The following PTPRD variants were observed in gnomAD, a reference collection of about 807,000 sequenced individuals.
The protein encoded by PTPRD is protein tyrosine phosphatase receptor type D, also known as receptor-type tyrosine-protein phosphatase delta.
PTPRD carries 34 observed loss-of-function variants against 214.5 expected under a neutral mutation model. The observed-to-expected ratio is 0.16, with a 90% CI of 0.12 to 0.21. The LOEUF is 0.21. Ranked by LOEUF, PTPRD falls within the 10% of genes least tolerant of loss-of-function variation. The pLI is 1.00. For synonymous variants in PTPRD, 1,128 were observed against 845.7 expected (o/e 1.33, Z -5.79); for missense variants, 2,545 against 2,398.7 (o/e 1.06, Z -1.27).
intron 9 of PTPRD, among the ~76,000 whole-genome samples, chr9:9,353,290 A>AT (rs1330101402): frequency 6.6e-6 from 1 of 151,974 alleles, no homozygotes; most frequent in East Asian, 1.9e-4. Flanking sequence ...ATGTATAAAA[A>AT]TGTTGTATTT....
chr9:9,100,204 CT>C (rs1339065043), intron 10 of PTPRD, among the ~76,000 whole-genome samples: 1 of 152,116 alleles, frequency 6.6e-6, no homozygotes, highest in Non-Finnish European at 1.5e-5. Flanking sequence ...TAGTTGGCTT[CT>C]TACCATAATT....
At chr9:10,186,684 T>C (rs2099331676) in intron 3 of PTPRD, among the ~76,000 whole-genome samples, 1 of 152,058 alleles carries the variant, frequency 6.6e-6, no homozygotes, top group South Asian at 2.1e-4. Flanking sequence ...TACTAAAGTG[T>C]GAAACATTAA....
chr9:9,872,536 G>A (rs2065760776), intron 5 of PTPRD, among the ~76,000 whole-genome samples: 1 of 152,030 alleles, frequency 6.6e-6, no homozygotes, highest in South Asian at 2.1e-4. Context: ...AGGATATCGA[G>A]GCTATAGTGA....
At chr9:9,876,106 A>G (rs903864777) in intron 5 of PTPRD, among the ~76,000 whole-genome samples, 7 of 152,100 alleles carry the variant, frequency 4.6e-5, no homozygotes, top group Non-Finnish European at 7.4e-5. Flanking sequence ...TAGGCCAGTA[A>G]GAGATTGTGT....
intron 8 of PTPRD, among the ~76,000 whole-genome samples, chr9:9,400,319 C>G (rs1419766548): frequency 6.6e-6 from 1 of 151,840 alleles, no homozygotes; most frequent in African/African-American, 2.4e-5. Context: ...CTAAGATACT[C>G]TCCCCAGAGA....
At chr9:8,547,906 G>A (rs1468857990) in intron 14 of PTPRD, among the ~76,000 whole-genome samples, 1 of 151,984 alleles carries the variant, frequency 6.6e-6, no homozygotes, top group African/African-American at 2.4e-5. Flanking sequence ...AATATTTATT[G>A]AACACCTCTC....
chr9:9,081,734 C>T (rs1045183705), intron 10 of PTPRD, among the ~76,000 whole-genome samples: 10 of 151,706 alleles, frequency 6.6e-5, no homozygotes, highest in African/African-American at 1.9e-4. Flanking sequence ...GCAATGATTC[C>T]TTTACCATTA....
At chr9:10,119,331 C>A (rs1054197508) in intron 3 of PTPRD, among the ~76,000 whole-genome samples, 1 of 151,976 alleles carries the variant, frequency 6.6e-6, no homozygotes, top group Non-Finnish European at 1.5e-5. Flanking sequence ...AAGTTATTAT[C>A]TTAACCATCT....
chr9:8,870,244 A>G (rs1041511128), intron 11 of PTPRD, among the ~76,000 whole-genome samples: 13 of 152,112 alleles, frequency 8.5e-5, no homozygotes, highest in African/African-American at 1.4e-4. Context: ...CTCATATATA[A>G]CATGAAAAAA....
intron 5 of PTPRD, among the ~76,000 whole-genome samples, chr9:9,801,014 A>G (rs1294206957): frequency 1.3e-5 from 2 of 152,142 alleles, no homozygotes; most frequent in Non-Finnish European, 2.9e-5. Flanking sequence ...AATAAGAAAG[A>G]TATTATAAAT....
intron 43 of PTPRD, among the ~76,000 whole-genome samples, chr9:8,334,559 T>C (rs991460756): frequency 7.4e-6 from 1 of 135,204 alleles, no homozygotes. Flanking sequence ...GAGAAATTTA[T>C]AGCACTAAAT....
At chr9:8,558,023 T>C (rs1449416980) in intron 14 of PTPRD, among the ~76,000 whole-genome samples, 3 of 152,124 alleles carry the variant, frequency 2.0e-5, no homozygotes, top group African/African-American at 7.2e-5. Context: ...ATGTAACTAA[T>C]TAATCTATTA....
rs1194576044 is a variant in PTPRD at position 9,572,583 on chromosome 9, G to GTA, written c.-237+2147_-237+2148dup. On this transcript the variant is annotated intron_variant, in intron 8 of 45. Transcript: ENST00000381196. Reference sequence around the variant, plus strand: ...TATGTATATATATATATATATATGTGTATATATATGTATATGTGTATATAT... The same window carrying GTA: ...TATGTATATATATATATATATATGTGTATATATATATGTATATGTGTATATAT... Among the ~76,000 whole-genome samples the GTA allele has an allele frequency of 1.3e-4, 18 of 142,594 alleles. No individual in the cohort carries two copies. The East Asian group carries it at 3.4e-3, about 27-fold the overall frequency. 93.5% of individuals were successfully genotyped at this position (142,594 alleles called of 152,430 possible).
intron 12 of PTPRD, among the ~76,000 whole-genome samples, chr9:8,639,526 T>C (rs184713803): frequency 8.5e-5 from 13 of 152,216 alleles, no homozygotes; most frequent in Admixed American, 3.9e-4. Flanking sequence ...TGTGAATACA[T>C]TGAAGGGCTG....
intron 2 of PTPRD, among the ~76,000 whole-genome samples, chr9:10,478,717 C>A (rs536146260): frequency 4.0e-5 from 6 of 151,352 alleles, no homozygotes; most frequent in Non-Finnish European, 7.4e-5. Context: ...TTACTATATT[C>A]TGTAATATAT....
chr9:8,636,929 T>C (rs2154328785), intron 12 of PTPRD, 85 bp from the exon 13 acceptor site: 1 of 1,334,916 alleles, frequency 7.5e-7, no homozygotes, highest in Non-Finnish European at 1.0e-6. Context: ...CCCACCATCC[T>C]CAACCACACC....
intron 2 of PTPRD, among the ~76,000 whole-genome samples, chr9:10,373,046 T>A (rs1598377567): frequency 6.6e-6 from 1 of 151,102 alleles, no homozygotes; most frequent in East Asian, 2.0e-4. Context: ...CCAACCAGAC[T>A]GGTCTCAAAC....
At chr9:10,135,626 A>G (rs957645903) in intron 3 of PTPRD, among the ~76,000 whole-genome samples, 15 of 152,100 alleles carry the variant, frequency 9.9e-5, no homozygotes, top group Non-Finnish European at 4.4e-5. Flanking sequence ...GTTCAACCAG[A>G]CTAAGTTCCA....
At chr9:10,607,915 G>A (rs80353352) in intron 2 of PTPRD, among the ~76,000 whole-genome samples, 4,328 of 151,828 alleles carry the variant, frequency 0.029, 123 homozygotes, top group East Asian at 0.07. Context: ...GTAGTTAGAG[G>A]TGTAAAAATT....
Sources: gnomAD v4.1 joint callset for allele counts (sites outside exome capture counted in the v4.1 genomes callset) on GRCh38, gnomAD v4.1.1 for gene constraint, MANE v1.5 for transcripts, NCBI Gene and HGNC (gene_info 2026-07-23, HGNC 2026-07-21) for gene names.